The following XIRP2 variants were observed in gnomAD, a reference collection of about 807,000 sequenced individuals.
XIRP2 encodes the protein xin actin binding repeat containing 2, also known as xin actin-binding repeat-containing protein 2.
In XIRP2, 236 loss-of-function variants were observed where a neutral mutation model predicts 277.0. The observed-to-expected ratio is 0.85, with a 90% CI of 0.77 to 0.95. The LOEUF (loss-of-function observed/expected upper bound fraction) is 0.95, where lower values mean the gene tolerates loss of function less well. Among genes scored for constraint, XIRP2 ranks in the 40% least tolerant of loss-of-function variants. The pLI is 0.00. For synonymous variants in XIRP2, 1,490 were observed against 1,416.5 expected (o/e 1.05, Z -1.17); for missense variants, 4,640 against 4,157.5 (o/e 1.12, Z -3.19).
intron 3 of XIRP2, among the ~76,000 whole-genome samples, chr2:167,177,178 A>G (rs757008151): frequency 1.3e-5 from 2 of 152,178 alleles, no homozygotes; most frequent in Non-Finnish European, 2.9e-5. Context: ...ATCTACATCT[A>G]TGGTAGCTTC....
At chr2:167,023,864 T>G (rs1688061492) in intron 2 of XIRP2, among the ~76,000 whole-genome samples, 1 of 152,176 alleles carries the variant, frequency 6.6e-6, no homozygotes. Context: ...TGTAGCCTTG[T>G]AGTATAATTT....
chr2:167,155,465 C>T (rs1456545372), intron 3 of XIRP2, among the ~76,000 whole-genome samples: 2 of 152,040 alleles, frequency 1.3e-5, no homozygotes, highest in Middle Eastern at 3.4e-3. Context: ...TCAATGTAAT[C>T]CAGCATATAA....
At chr2:167,064,702 T>C (rs973901213) in intron 2 of XIRP2, among the ~76,000 whole-genome samples, 1 of 151,888 alleles carries the variant, frequency 6.6e-6, no homozygotes, top group African/African-American at 2.4e-5. Context: ...ACCAATCTAC[T>C]TCCTATGAAT....
chr2:167,167,618 A>C (rs574800890), intron 3 of XIRP2, among the ~76,000 whole-genome samples: 4 of 152,224 alleles, frequency 2.6e-5, no homozygotes, highest in African/African-American at 9.6e-5. Context: ...AGTACCTTAT[A>C]ATACATAATA....
intron 2 of XIRP2, among the ~76,000 whole-genome samples, chr2:167,108,208 C>T (rs991276708): frequency 5.3e-5 from 8 of 151,786 alleles, no homozygotes; most frequent in African/African-American, 1.9e-4. Context: ...CTCTTTCATT[C>T]CCGTTCTTAG....
intron 4 of XIRP2, among the ~76,000 whole-genome samples, chr2:167,216,876 A>G (rs1573966333): frequency 8.0e-6 from 1 of 124,770 alleles, no homozygotes; most frequent in East Asian, 2.2e-4. Context: ...AAGACTTGGA[A>G]CCAACCCAAA....
At chr2:167,113,589 T>G (rs1196291028) in intron 2 of XIRP2, among the ~76,000 whole-genome samples, 1 of 152,188 alleles carries the variant, frequency 6.6e-6, no homozygotes, top group Non-Finnish European at 1.5e-5. Context: ...CCCTGCTTCT[T>G]TATCCATCTT....
chr2:167,024,469 G>T (rs960273604), intron 2 of XIRP2, among the ~76,000 whole-genome samples: 2 of 152,004 alleles, frequency 1.3e-5, no homozygotes, highest in Non-Finnish European at 2.9e-5. Flanking sequence ...TAACTGCCCT[G>T]GCCAGAACTT....
intron 2 of XIRP2, among the ~76,000 whole-genome samples, chr2:167,108,954 T>C (rs938412262): frequency 1.8e-4 from 28 of 152,054 alleles, no homozygotes; most frequent in Non-Finnish European, 3.5e-4. Flanking sequence ...GGTGTACAGA[T>C]AACTTTATTA....
At chr2:166,922,721 A>T (rs1240942635) in intron 2 of XIRP2, among the ~76,000 whole-genome samples, 1 of 151,620 alleles carries the variant, frequency 6.6e-6, no homozygotes, top group Non-Finnish European at 1.5e-5. Context: ...ACACCACTGC[A>T]CTCCAGCCTG....
intron 3 of XIRP2, among the ~76,000 whole-genome samples, chr2:167,151,500 G>A (rs559033008): frequency 1.3e-5 from 2 of 152,210 alleles, no homozygotes; most frequent in East Asian, 1.9e-4. Flanking sequence ...TCTCTAAGGA[G>A]CATAGTCATC....
intron 5 of XIRP2, among the ~76,000 whole-genome samples, chr2:167,229,640 T>C (rs1694698332): frequency 6.6e-6 from 1 of 152,124 alleles, no homozygotes; most frequent in Admixed American, 6.6e-5. Flanking sequence ...TCTTCATGGG[T>C]CTTTGAAAAT....
chr2:167,202,575 T>C (rs779681729), intron 3 of XIRP2, among the ~76,000 whole-genome samples: 6 of 152,164 alleles, frequency 3.9e-5, no homozygotes, highest in Non-Finnish European at 8.8e-5. Context: ...ATTTCAGAGA[T>C]GGCTCCATCA....
At chr2:167,012,857 T>C (rs760356488) in intron 2 of XIRP2, among the ~76,000 whole-genome samples, 11 of 151,510 alleles carry the variant, frequency 7.3e-5, no homozygotes, top group Non-Finnish European at 1.3e-4. Flanking sequence ...TCCTTCAATA[T>C]CATAGACTCC....
intron 2 of XIRP2, among the ~76,000 whole-genome samples, chr2:167,083,021 G>A (rs1268571155): frequency 6.6e-6 from 1 of 152,192 alleles, no homozygotes; most frequent in Non-Finnish European, 1.5e-5. Flanking sequence ...CCTTGCCCAT[G>A]CCTATGTCCT....
In XIRP2 at chr2:167,211,825, T is replaced by C. The variant is rs376805313; in HGVS notation, c.723+930T>C. Among the ~76,000 whole-genome samples the C allele has an allele frequency of 1.8e-4, 28 of 152,322 alleles. No individual in the cohort carries two copies. The East Asian group carries it at 2.1e-3, about 12-fold the overall frequency. ...GCAGGATTCAGTAAGACCACCAATT[T>C]TTAGAGCCAATGCATTATAAAGTCA... On this transcript the variant is annotated intron_variant, in intron 4 of 10. Transcript: ENST00000409195.
At chr2:167,166,100 T>C (rs954005919) in intron 3 of XIRP2, among the ~76,000 whole-genome samples, 1 of 152,240 alleles carries the variant, frequency 6.6e-6, no homozygotes, top group African/African-American at 2.4e-5. Context: ...CTCCATTGTA[T>C]TGCCTATGCT....
chr2:166,913,309 C>CA (rs750064120), intron 2 of XIRP2, among the ~76,000 whole-genome samples: 1 of 58,464 alleles, frequency 1.7e-5, no homozygotes, highest in Admixed American at 2.1e-4. Flanking sequence ...CAATGGTGGG[C>CA]ACCCCCCCCC....
chr2:167,128,839 A>G (rs1196061852), intron 2 of XIRP2, among the ~76,000 whole-genome samples: 1 of 152,136 alleles, frequency 6.6e-6, no homozygotes, highest in Non-Finnish European at 1.5e-5. Flanking sequence ...CCATTACACT[A>G]TGAGCTTCTT....
Sources: allele counts gnomAD v4.1 joint callset (sites outside exome capture counted in the v4.1 genomes callset), GRCh38; gene constraint gnomAD v4.1.1; transcripts MANE v1.5; gene names NCBI Gene and HGNC (gene_info 2026-07-23, HGNC 2026-07-21).